The following GRM8 variants were observed in gnomAD, a reference collection of about 807,000 sequenced individuals.
GRM8 encodes the protein glutamate metabotropic receptor 8.
A neutral mutation model predicts 87.2 loss-of-function variants in GRM8; 47 were observed. The ratio of observed to expected loss-of-function variants is 0.54; its 90% CI spans 0.43 to 0.69. The LOEUF is 0.69. Ranked by LOEUF, GRM8 falls within the 30% of genes least tolerant of loss-of-function variation. The pLI is 0.00. For missense variants in GRM8, 1,019 were observed against 1,139.2 expected (o/e 0.89, Z 1.52); for synonymous variants, 396 against 404.5 (o/e 0.98, Z 0.25).
chr7:126,457,253 T>A (rs760513941), intron 9 of GRM8, among the ~76,000 whole-genome samples: 49 of 151,370 alleles, frequency 3.2e-4, no homozygotes, highest in Non-Finnish European at 6.2e-4. Flanking sequence ...ATTTTTAAAA[T>A]TCAGAAAGAA....
At chr7:126,662,547 C>T (rs1429721804) in intron 7 of GRM8, among the ~76,000 whole-genome samples, 3 of 151,960 alleles carry the variant, frequency 2.0e-5, no homozygotes, top group Non-Finnish European at 4.4e-5. Flanking sequence ...AAGGTGGGGG[C>T]AGGAAGGCAT....
At chr7:126,559,511 G>T (rs1257454325) in intron 8 of GRM8, among the ~76,000 whole-genome samples, 1 of 152,164 alleles carries the variant, frequency 6.6e-6, no homozygotes, top group Non-Finnish European at 1.5e-5. Context: ...TAAGCTGTTA[G>T]CGCTCTCCAA....
At chr7:127,190,752 C>T (rs778099009) in intron 2 of GRM8, among the ~76,000 whole-genome samples, 12 of 152,112 alleles carry the variant, frequency 7.9e-5, no homozygotes, top group Non-Finnish European at 1.3e-4. Context: ...AGTAACCAAA[C>T]TAAAAGACAG....
chr7:126,619,342 G>A (rs1171984350), intron 7 of GRM8, among the ~76,000 whole-genome samples: 1 of 152,116 alleles, frequency 6.6e-6, no homozygotes, highest in Non-Finnish European at 1.5e-5. Context: ...CATGGACACA[G>A]GAAGGGGAAC....
intron 6 of GRM8, among the ~76,000 whole-genome samples, chr7:126,825,153 C>T (rs576779007): frequency 5.3e-5 from 8 of 152,182 alleles, no homozygotes; most frequent in East Asian, 1.9e-4. Flanking sequence ...CTGCAACCTC[C>T]GCCTCCTGGG....
At chr7:126,537,050 G>A (rs1815857820) in intron 8 of GRM8, among the ~76,000 whole-genome samples, 1 of 152,104 alleles carries the variant, frequency 6.6e-6, no homozygotes, top group Non-Finnish European at 1.5e-5. Flanking sequence ...ATCATTATAA[G>A]CTAAATGTGA....
intron 7 of GRM8, among the ~76,000 whole-genome samples, chr7:126,672,260 A>G (rs1393617668): frequency 2.0e-5 from 3 of 152,212 alleles, no homozygotes; most frequent in Non-Finnish European, 1.5e-5. Context: ...CCATGGTGGC[A>G]TCTGCCGAGG....
intron 7 of GRM8, among the ~76,000 whole-genome samples, chr7:126,702,978 C>A (rs894045471): frequency 1.8e-4 from 28 of 151,956 alleles, no homozygotes; most frequent in African/African-American, 5.6e-4. Flanking sequence ...CACGTTCAAG[C>A]CACAAGAATA....
At chr7:126,492,253 G>A (rs1331017240) in intron 9 of GRM8, among the ~76,000 whole-genome samples, 7 of 151,816 alleles carry the variant, frequency 4.6e-5, no homozygotes, top group Admixed American at 1.3e-4. Context: ...GTTTCGCCAC[G>A]TTGCCCAGGC....
intron 6 of GRM8, among the ~76,000 whole-genome samples, chr7:126,803,390 C>G (rs1446037975): frequency 6.6e-6 from 1 of 152,232 alleles, no homozygotes; most frequent in African/African-American, 2.4e-5. Context: ...ACACAGCCTC[C>G]AGCACTTAGT....
intron 9 of GRM8, among the ~76,000 whole-genome samples, chr7:126,448,470 G>A (rs754661561): frequency 3.3e-5 from 5 of 151,794 alleles, no homozygotes; most frequent in Admixed American, 6.6e-5. Flanking sequence ...TAATTTCTGC[G>A]ATATATAGTA....
intron 3 of GRM8, among the ~76,000 whole-genome samples, chr7:127,102,575 C>A (rs186501642): frequency 6.6e-6 from 1 of 152,204 alleles, no homozygotes; most frequent in African/African-American, 2.4e-5. Context: ...ATTGCTCATG[C>A]CACTGCTCTG....
Position 127,051,802 on chromosome 7 carries a change from T to TTA in GRM8, c.727+54692_727+54693dup, listed in dbSNP as rs572495098. ...AACAATGCATACATTTTGATAACAT[T>TTA]TATATAGTATTTATAACATGCTGAA... is the stretch of plus-strand genomic sequence containing the variant. On this transcript the variant is annotated intron_variant, in intron 3 of 10. Transcript: ENST00000339582. Among the ~76,000 whole-genome samples, 545 of 148,996 alleles carry TTA rather than the reference T, an allele frequency of 3.7e-3. 2 individuals are homozygous for TTA. Among genetic ancestry groups the TTA allele is most frequent in the Middle Eastern group, 7.1e-3 (2 of 280 alleles).
At chr7:126,502,744 C>A (rs75150464) in intron 9 of GRM8, among the ~76,000 whole-genome samples, 2,802 of 152,062 alleles carry the variant, frequency 0.018, 79 homozygotes, top group African/African-American at 0.062. Flanking sequence ...AAATTAGAGG[C>A]ATAAAAATGC....
chr7:127,079,834 A>AT (rs3216295), intron 3 of GRM8, among the ~76,000 whole-genome samples: 43,043 of 151,402 alleles, frequency 0.28, 6,718 homozygotes, highest in African/African-American at 0.42. Flanking sequence ...CTTCGTAGGT[A>AT]TTTTTTTTTC....
intron 3 of GRM8, among the ~76,000 whole-genome samples, chr7:127,045,709 A>G (rs989057826): frequency 2.6e-5 from 4 of 152,182 alleles, no homozygotes; most frequent in African/African-American, 9.6e-5. Context: ...CCACACGTGC[A>G]TAACTTCTCA....
intron 9 of GRM8, among the ~76,000 whole-genome samples, chr7:126,468,417 G>A (rs898181061): frequency 7.2e-5 from 11 of 151,802 alleles, no homozygotes; most frequent in African/African-American, 2.2e-4. Flanking sequence ...TTTGTCTTAA[G>A]AATAATTGCA....
At chr7:127,182,632 G>GGGGT (rs1290363826) in intron 2 of GRM8, among the ~76,000 whole-genome samples, 1 of 141,720 alleles carries the variant, frequency 7.1e-6, no homozygotes, top group Non-Finnish European at 1.5e-5. Context: ...AAGAAAGTGT[G>GGGGT]GTGTGTGTGT....
intron 2 of GRM8, among the ~76,000 whole-genome samples, chr7:127,169,893 T>A (rs1210238899): frequency 6.6e-6 from 1 of 152,190 alleles, no homozygotes; most frequent in Non-Finnish European, 1.5e-5. Context: ...AACAGATTCC[T>A]TTCAAAATAT....
Sources: gnomAD v4.1 joint callset for allele counts (sites outside exome capture counted in the v4.1 genomes callset) on GRCh38, gnomAD v4.1.1 for gene constraint, MANE v1.5 for transcripts, NCBI Gene and HGNC (gene_info 2026-07-23, HGNC 2026-07-21) for gene names.